Variants in IMPDH1 observed in about 807,000 individuals in gnomAD.
IMPDH1 encodes the protein inosine monophosphate dehydrogenase 1.
Under a neutral mutation model 73.5 loss-of-function variants are expected in IMPDH1, and 41 were observed. The observed-to-expected ratio is 0.56, with a 90% confidence interval of 0.43 to 0.72. The LOEUF is 0.72. Among genes scored for constraint, IMPDH1 ranks in the 30% least tolerant of loss-of-function variants. IMPDH1 has a pLI of 0.00. For missense variants in IMPDH1, 645 were observed against 824.8 expected (o/e 0.78, Z 2.67); for synonymous variants, 318 against 334.3 (o/e 0.95, Z 0.53).
chr7:128,393,951 T>C (rs1440726785), intron 16 of IMPDH1, among the ~76,000 whole-genome samples: 2 of 152,130 alleles, frequency 1.3e-5, no homozygotes, highest in African/African-American at 4.8e-5. Context: ...CCTGGCTGCC[T>C]GGTGCCACCA....
intron 3 of IMPDH1, 153 bp from the exon 4 acceptor site, chr7:128,406,018 G>C (rs1207078358): frequency 4.1e-5 from 16 of 389,938 alleles, no homozygotes; most frequent in Non-Finnish European, 4.9e-5. Flanking sequence ...TGCGGCAGCG[G>C]CAGGGCGGGC....
rs1799037473 is a variant in IMPDH1, at chr7:128,409,952, C to T, written c.-51G>A. The T allele has an allele frequency of 2.3e-6, 3 of 1,317,118 alleles. No homozygotes were observed. Among genetic ancestry groups the T allele is most frequent in the African/African-American group, 1.6e-5 (1 of 64,488 alleles). 81.6% of individuals were successfully genotyped at this position (1,317,118 alleles called of 1,614,324 possible). A position where few individuals can be genotyped will look rare whatever the true frequency, so the allele number is the denominator to read the frequency against. The stretch of plus-strand genomic sequence containing the variant: ...GGGAGCCTGGAGGCTCCCGGGGCCC[C>T]GGCTGGGCAGTGAGCGCAGCCCGGT... On this transcript the variant is annotated 5_prime_UTR_variant, in exon 1 of 17. Coordinates refer to ENST00000338791, the MANE Select transcript of IMPDH1 (RefSeq NM_000883.4).
At chr7:128,409,144 T>C in intron 3 of IMPDH1, 145 bp downstream of exon 3, 1 of 761,784 alleles carries the variant, frequency 1.3e-6, no homozygotes, top group Non-Finnish European at 2.3e-6. Flanking sequence ...GGGGCCCAGC[T>C]CACTACCCTA....
chr7:128,392,618 C>A lies in IMPDH1; in HGVS notation c.*389G>T. On this transcript the variant is annotated 3_prime_UTR_variant, in exon 17 of 17. Coordinates refer to ENST00000338791, the MANE Select transcript of IMPDH1 (RefSeq NM_000883.4). ...GGCCCGGGAAGGGCCAGAGGCAGGG[C>A]CAGGAGAGCACCATTTCCTGGGAGG... 4.0e-6 allele frequency: 1 copy of A among 251,878 alleles called. No homozygotes were observed. Among genetic ancestry groups the A allele is most frequent in the Non-Finnish European group, 7.8e-6 (1 of 127,864 alleles). 15.6% of individuals were successfully genotyped at this position (251,878 alleles called of 1,614,324 possible). A position where few individuals can be genotyped will look rare whatever the true frequency, so the allele number is the denominator to read the frequency against.
In IMPDH1 at chr7:128,400,789, T is replaced by C. The variant is rs375613017; in HGVS notation, c.579+28A>G. On this transcript the variant is annotated intron_variant, in intron 7 of 16. Transcript: ENST00000338791. ...CTGAGGTGGGGACTGCCAGGTGGCATCTTGCTGGGGACAGGCCTGGTACTT... is the reference window on the plus strand; with the variant it reads ...CTGAGGTGGGGACTGCCAGGTGGCACCTTGCTGGGGACAGGCCTGGTACTT... 32 of 1,605,490 alleles carry C rather than the reference T, an allele frequency of 2.0e-5. No homozygotes were observed. In the Middle Eastern group the frequency reaches 5.4e-4, roughly 27 times the overall value.
intron 5 of IMPDH1, among the ~76,000 whole-genome samples, chr7:128,402,883 T>C (rs1239010571): frequency 1.3e-5 from 2 of 152,208 alleles, no homozygotes; most frequent in Non-Finnish European, 2.9e-5. Context: ...CTGCGTTTCC[T>C]TGTATTTATC....
At position 128,396,782 on chromosome 7, in the gene IMPDH1, C is replaced by T; in HGVS notation, c.1166-87G>A. 2 of 1,253,922 alleles carry T rather than the reference C, an allele frequency of 1.6e-6. No individual in the cohort carries two copies. Among genetic ancestry groups the T allele is most frequent in the Non-Finnish European group, 2.3e-6 (2 of 879,208 alleles). The allele number at this position is 1,253,922 out of a possible 1,614,324, so 77.7% of individuals were successfully genotyped here. A position where few individuals can be genotyped will look rare whatever the true frequency, so the allele number is the denominator to read the frequency against. The stretch of plus-strand genomic sequence containing the variant: ...GCCTCTTGGGACCCCAGTCTAGCAC[C>T]CCCCAACCCCCCTACAGTGACCAAA... On this transcript the variant is annotated intron_variant, in intron 11 of 16. Coordinates refer to ENST00000338791, the MANE Select transcript of IMPDH1 (RefSeq NM_000883.4). This position sits in a 1 kb window ranked among gnomAD's most constrained non-coding sequence, Gnocchi z 4.0.
In IMPDH1 at chr7:128,392,592, C is replaced by T. The variant is rs1197326758; in HGVS notation, c.*415G>A. On this transcript the variant is annotated 3_prime_UTR_variant, in exon 17 of 17. Coordinates refer to ENST00000338791, the MANE Select transcript of IMPDH1 (RefSeq NM_000883.4). ...GAAGTGCCACATGGCTGAGGGGCAG[C>T]GGCCCGGGAAGGGCCAGAGGCAGGG... is the stretch of plus-strand genomic sequence containing the variant. The T allele has an allele frequency of 1.4e-5, 3 of 207,160 alleles. No homozygotes were observed. Among genetic ancestry groups the T allele is most frequent in the Non-Finnish European group, 2.0e-5 (2 of 101,358 alleles). 12.8% of individuals were successfully genotyped at this position (207,160 alleles called of 1,614,324 possible).
chr7:128,396,869 A>G lies in IMPDH1; in HGVS notation c.1165+63T>C. The G allele has an allele frequency of 7.7e-7, 1 of 1,302,868 alleles. No individual in the cohort carries two copies. Among genetic ancestry groups the G allele is most frequent in the South Asian group, 1.2e-5 (1 of 84,636 alleles). The allele number at this position is 1,302,868 out of a possible 1,614,324, so 80.7% of individuals were successfully genotyped here. A position where few individuals can be genotyped will look rare whatever the true frequency, so the allele number is the denominator to read the frequency against. ...TACCATCACCTAGGGATGCTGAAGG[A>G]CAGAAAAGGGTTACTCATTGGAGGG... On this transcript the variant is annotated intron_variant, in intron 11 of 16. Transcript: ENST00000338791. The surrounding 1 kb of genome is among the most constrained non-coding windows in gnomAD (Gnocchi z 4.0).
At chr7:128,400,275 G>A in intron 8 of IMPDH1, 58 bp downstream of exon 8, 1 of 1,604,446 alleles carries the variant, frequency 6.2e-7, no homozygotes, top group Non-Finnish European at 8.5e-7. Flanking sequence ...ACCAGTCTGA[G>A]GCCCCAGCGT....
chr7:128,403,765 A>C lies in IMPDH1; in HGVS notation c.354-11T>G. The C allele has an allele frequency of 1.9e-6, 3 of 1,613,488 alleles. No homozygotes were observed. The highest frequency in any genetic ancestry group is 2.5e-6 in the Non-Finnish European group (3 of 1,179,420). On this transcript the variant is annotated splice_polypyrimidine_tract_variant and intron_variant, in intron 4 of 16. Coordinates refer to ENST00000338791, the MANE Select transcript of IMPDH1 (RefSeq NM_000883.4). ...AGAATCAGGAAGTCGCTGTGAAGAC[A>C]GAGAAGTGAGTGTTATTAGTGGGGA...
chr7:128,393,342 G>A (rs1214212979), intron 16 of IMPDH1, among the ~76,000 whole-genome samples: 3 of 152,324 alleles, frequency 2.0e-5, no homozygotes, highest in Admixed American at 2.0e-4. Flanking sequence ...CATCCTCATG[G>A]AGCAAACTCC....
intron 5 of IMPDH1, among the ~76,000 whole-genome samples, chr7:128,402,876 C>T (rs951965110): frequency 1.3e-5 from 2 of 152,138 alleles, no homozygotes; most frequent in Non-Finnish European, 2.9e-5. Flanking sequence ...CAAGGCACTG[C>T]GTTTCCTTGT....
At chr7:128,407,755 A>G (rs1798874303) in intron 3 of IMPDH1, among the ~76,000 whole-genome samples, 1 of 152,190 alleles carries the variant, frequency 6.6e-6, no homozygotes, top group Admixed American at 6.5e-5. Flanking sequence ...AGTACTATTC[A>G]GGATTCAACC....
At chr7:128,400,982 GC>G (rs1798295891) in intron 6 of IMPDH1, 32 bp downstream of exon 6, 2 of 1,600,052 alleles carry the variant, frequency 1.2e-6, no homozygotes, top group Non-Finnish European at 1.7e-6. Context: ...GTTCCTGTGT[GC>G]CCTGGAGTCC....
Position 128,396,531 on chromosome 7 carries a change from G to C in IMPDH1, c.1261+69C>G, listed in dbSNP as rs1797925134. The C allele has an allele frequency of 7.7e-6, 9 of 1,174,604 alleles. No individual in the cohort carries two copies. Among genetic ancestry groups the C allele is most frequent in the Non-Finnish European group, 1.1e-5 (9 of 804,910 alleles). The allele number at this position is 1,174,604 out of a possible 1,614,324, so 72.8% of individuals were successfully genotyped here. Reference sequence around the variant, plus strand: ...ACAGGGCCTGGCAGAGAGAGTACTTGATATACATCTGGGGAACAAAGGCGA... The same window carrying C: ...ACAGGGCCTGGCAGAGAGAGTACTTCATATACATCTGGGGAACAAAGGCGA... On this transcript the variant is annotated intron_variant, in intron 12 of 16. Transcript: ENST00000338791. This position sits in a 1 kb window ranked among gnomAD's most constrained non-coding sequence, Gnocchi z 4.0.
chr7:128,394,828 A>G lies in IMPDH1; in HGVS notation c.1550+61T>C. ...GCTGCCATCTGGGGAAGTCGGTGGC[A>G]TGAGCGGGCCCTGAAGGGTTGTGGG... On this transcript the variant is annotated intron_variant, in intron 14 of 16. Transcript: ENST00000338791. This position sits in a 1 kb window ranked among gnomAD's most constrained non-coding sequence, Gnocchi z 5.5. The G allele has an allele frequency of 6.3e-7, 1 of 1,597,964 alleles. No individual in the cohort carries two copies. Among genetic ancestry groups the G allele is most frequent in the Non-Finnish European group, 8.5e-7 (1 of 1,170,424 alleles).
chr7:128,400,677 G>T (rs1381503487), intron 7 of IMPDH1, 138 bp from the exon 8 acceptor site: 2 of 1,181,968 alleles, frequency 1.7e-6, no homozygotes, highest in South Asian at 1.2e-5. Context: ...GTGGGAAAAT[G>T]AGGGCTCGGC....
At position 128,401,108 on chromosome 7, in the gene IMPDH1, G is replaced by A. The variant is rs778961468; in HGVS notation, c.411C>T (p.Thr137=). The change falls in exon 6 of 17, where the codon ACC becomes ACT. Residue 137 remains threonine (T), a synonymous_variant. Transcript: ENST00000338791. ...GCGTGATCTTCCGGGTCAGGGCTGA[G>A]GTCAGGTCCTGAGGATGGAGGCACA... The part of the protein sequence containing the change: ...IDFIADEVDL[T]SALTRKITLK... The A allele has an allele frequency of 1.9e-6, 3 of 1,613,058 alleles. No individual in the cohort carries two copies. The highest frequency in any genetic ancestry group is 2.2e-5 in the East Asian group (1 of 44,870).
Sources: allele counts gnomAD v4.1 joint callset (sites outside exome capture counted in the v4.1 genomes callset), GRCh38; gene constraint gnomAD v4.1.1; non-coding constraint Gnocchi (gnomAD v3.1); transcripts MANE v1.5; gene names NCBI Gene and HGNC (gene_info 2026-07-23, HGNC 2026-07-21).